Variants in ATP13A4 observed in about 807,000 individuals in gnomAD.
The protein encoded by ATP13A4 is probable cation-transporting ATPase 13A4.
In ATP13A4, 114 loss-of-function variants were observed where a neutral mutation model predicts 142.5. The observed-to-expected ratio is 0.80, with a 90% CI of 0.69 to 0.93. The LOEUF is 0.93. ATP13A4 is among the 40% of genes least tolerant of loss of function. ATP13A4 has a pLI of 0.00. For synonymous variants in ATP13A4, 488 were observed against 514.8 expected (o/e 0.95, Z 0.70); for missense variants, 1,392 against 1,454.0 (o/e 0.96, Z 0.69).
chr3:193,514,618 C>T, intron 2 of ATP13A4, 80 bp downstream of exon 2: 2 of 1,574,468 alleles, frequency 1.3e-6, no homozygotes, highest in Non-Finnish European at 1.7e-6. Context: ...GTCTTGTGCA[C>T]ATCTCCCCCC....
intron 2 of ATP13A4, among the ~76,000 whole-genome samples, chr3:193,560,362 C>T (rs1041219395): frequency 2.6e-5 from 4 of 152,144 alleles, no homozygotes; most frequent in Non-Finnish European, 4.4e-5. Flanking sequence ...GCAAGAGCCA[C>T]CATGCCCAAC....
At chr3:193,453,925 T>C (rs1229509288) in intron 17 of ATP13A4, among the ~76,000 whole-genome samples, 176 bp downstream of exon 17, 1 of 152,236 alleles carries the variant, frequency 6.6e-6, no homozygotes, top group Non-Finnish European at 1.5e-5. Context: ...CAGGGATTAC[T>C]ATATCCCTAT....
At chr3:193,510,271 G>A (rs1322910042) in intron 2 of ATP13A4, among the ~76,000 whole-genome samples, 3 of 152,224 alleles carry the variant, frequency 2.0e-5, no homozygotes, top group East Asian at 1.9e-4. Flanking sequence ...TTGAACTAAC[G>A]CTCCTAGCCC....
At chr3:193,458,682 T>C in intron 14 of ATP13A4, 1 of 364,304 alleles carries the variant, frequency 2.7e-6, no homozygotes, top group East Asian at 5.1e-5. Flanking sequence ...CTATGAGTTA[T>C]CCTGAGCACT....
intron 1 of ATP13A4, among the ~76,000 whole-genome samples, chr3:193,536,958 A>G (rs2108709625): frequency 6.6e-6 from 1 of 152,202 alleles, no homozygotes. Context: ...AAATGAAGGA[A>G]GATCTAAGCA....
intron 1 of ATP13A4, among the ~76,000 whole-genome samples, chr3:193,522,377 C>T (rs188160159): frequency 6.6e-6 from 1 of 152,246 alleles, no homozygotes; most frequent in African/African-American, 2.4e-5. Context: ...GTTCCAGTCA[C>T]CCTAAATATC....
chr3:193,582,526 C>T (rs10937591), intron 1 of ATP13A4, among the ~76,000 whole-genome samples: 69,784 of 135,308 alleles, frequency 0.52, 18,544 homozygotes, highest in African/African-American at 0.65. Context: ...AATATATGTA[C>T]ATTATATATT....
chr3:193,417,962 A>T (rs1715170393), intron 25 of ATP13A4, among the ~76,000 whole-genome samples: 1 of 145,666 alleles, frequency 6.9e-6, no homozygotes, highest in African/African-American at 2.6e-5. Flanking sequence ...CTCTACTAAA[A>T]ATACAAAAAA....
intron 25 of ATP13A4, among the ~76,000 whole-genome samples, chr3:193,421,003 TATG>T (rs1310921306): frequency 5.3e-5 from 8 of 149,968 alleles, no homozygotes; most frequent in Admixed American, 2.1e-4. Context: ...TTTTATTTAA[TATG>T]ATAAGTGCTG....
intron 18 of ATP13A4, among the ~76,000 whole-genome samples, chr3:193,446,318 T>C (rs1411715511): frequency 6.6e-6 from 1 of 152,212 alleles, no homozygotes; most frequent in African/African-American, 2.4e-5. Flanking sequence ...TCTTTTCTGG[T>C]AGGAAGAAAG....
At chr3:193,525,649 A>T (rs1275299265) in intron 1 of ATP13A4, among the ~76,000 whole-genome samples, 1 of 152,138 alleles carries the variant, frequency 6.6e-6, no homozygotes, top group East Asian at 1.9e-4. Context: ...TCCTACTAAT[A>T]ATTACACTAT....
chr3:193,534,114 C>A (rs149325912), intron 1 of ATP13A4, among the ~76,000 whole-genome samples: 303 of 152,294 alleles, frequency 2.0e-3, no homozygotes, highest in Non-Finnish European at 3.4e-3. Flanking sequence ...TGAACTCCTA[C>A]CTTTATCCAC....
chr3:193,590,560 T>C (rs1724744011), intron 1 of ATP13A4, among the ~76,000 whole-genome samples: 1 of 152,194 alleles, frequency 6.6e-6, no homozygotes, highest in African/African-American at 2.4e-5. Flanking sequence ...TGGCCTTTCT[T>C]ACAAAGGTGG....
intron 1 of ATP13A4, among the ~76,000 whole-genome samples, chr3:193,588,077 G>A (rs1348989394): frequency 1.3e-5 from 2 of 152,090 alleles, no homozygotes; most frequent in African/African-American, 4.8e-5. Flanking sequence ...AGGCTGCAGT[G>A]AGCCATGATC....
At chr3:193,481,220 C>T (rs1377640715) in intron 8 of ATP13A4, among the ~76,000 whole-genome samples, 2 of 151,888 alleles carry the variant, frequency 1.3e-5, no homozygotes, top group Non-Finnish European at 1.5e-5. Context: ...GAAATCACCA[C>T]GAAAGAACTT....
At chr3:193,516,011 A>G (rs542397277) in intron 1 of ATP13A4, among the ~76,000 whole-genome samples, 2 of 152,334 alleles carry the variant, frequency 1.3e-5, no homozygotes, top group South Asian at 4.1e-4. Context: ...TTGTTGCCCT[A>G]TGTAAGCATT....
chr3:193,497,467 G>A (rs1437916956), intron 3 of ATP13A4, among the ~76,000 whole-genome samples: 1 of 152,154 alleles, frequency 6.6e-6, no homozygotes, highest in African/African-American at 2.4e-5. Context: ...CACTGTTAGT[G>A]AGACTATAAA....
At chr3:193,471,651 C>G (rs914101297) in intron 8 of ATP13A4, among the ~76,000 whole-genome samples, 1 of 149,424 alleles carries the variant, frequency 6.7e-6, no homozygotes, top group Non-Finnish European at 1.5e-5. Flanking sequence ...AACTGTATAG[C>G]AAAATTGCTA....
At chr3:193,451,483 C>A (rs902012913) in intron 17 of ATP13A4, among the ~76,000 whole-genome samples, 4 of 152,288 alleles carry the variant, frequency 2.6e-5, no homozygotes, top group African/African-American at 9.6e-5. Context: ...TAAACAAGTT[C>A]TTCCTTTCAT....
Sources: allele counts gnomAD v4.1 joint callset (sites outside exome capture counted in the v4.1 genomes callset), GRCh38; gene constraint gnomAD v4.1.1; transcripts MANE v1.5; gene names NCBI Gene and HGNC (gene_info 2026-07-23, HGNC 2026-07-21).